CACNA1C: variants seen among roughly 807,000 people sequenced by gnomAD.
CACNA1C encodes the protein voltage-dependent L-type calcium channel subunit alpha-1C.
A neutral mutation model predicts 229.0 loss-of-function variants in CACNA1C; 30 were observed. The ratio of observed to expected loss-of-function variants is 0.13; its 90% CI spans 0.10 to 0.18. The LOEUF is 0.18. Ranked by LOEUF, CACNA1C falls within the 10% of genes least tolerant of loss-of-function variation. The pLI is 1.00. For synonymous variants in CACNA1C, 1,114 were observed against 1,132.5 expected (o/e 0.98, Z 0.33); for missense variants, 1,658 against 2,845.0 (o/e 0.58, Z 9.49).
At chr12:2,012,233 A>G (rs1219935431) in intron 1 of CACNA1C, among the ~76,000 whole-genome samples, 1 of 152,180 alleles carries the variant, frequency 6.6e-6, no homozygotes, top group Non-Finnish European at 1.5e-5. Context: ...GAGGTATAGT[A>G]TCTACTTCTA....
chr12:2,210,431 T>C (rs1166196972), intron 3 of CACNA1C, among the ~76,000 whole-genome samples: 2 of 152,202 alleles, frequency 1.3e-5, no homozygotes, highest in Non-Finnish European at 2.9e-5. Context: ...ATGCCCTCTT[T>C]CTTTGGAAGC....
chr12:2,442,837 G>C (rs2099242168), intron 3 of CACNA1C, among the ~76,000 whole-genome samples: 2 of 152,146 alleles, frequency 1.3e-5, no homozygotes, highest in Admixed American at 1.3e-4. Flanking sequence ...TAAATGATCA[G>C]ATCTTACAGG....
intron 3 of CACNA1C, among the ~76,000 whole-genome samples, chr12:2,268,463 T>C (rs577154927): frequency 6.6e-6 from 1 of 152,320 alleles, no homozygotes; most frequent in African/African-American, 2.4e-5. Flanking sequence ...AATTGTGTCT[T>C]TTTTAAGAAA....
At chr12:2,127,654 C>T (rs1039697699) in intron 3 of CACNA1C, among the ~76,000 whole-genome samples, 4 of 152,102 alleles carry the variant, frequency 2.6e-5, no homozygotes, top group South Asian at 2.1e-4. Context: ...CTTGACACAG[C>T]GCATTGGGAA....
At chr12:2,429,515 G>T (rs529410819) in intron 3 of CACNA1C, among the ~76,000 whole-genome samples, 12 of 152,264 alleles carry the variant, frequency 7.9e-5, no homozygotes, top group African/African-American at 2.9e-4. Flanking sequence ...GTAGTCCAGT[G>T]GGGTAAACCT....
intron 1 of CACNA1C, among the ~76,000 whole-genome samples, chr12:2,100,138 T>C (rs2075748943): frequency 6.6e-6 from 1 of 152,080 alleles, no homozygotes; most frequent in African/African-American, 2.4e-5. Flanking sequence ...ATTTCTTCTA[T>C]GAAAACAAAC....
intron 3 of CACNA1C, chr12:2,217,713 T>G (rs2060339206): frequency 6.6e-6 from 1 of 152,180 alleles, no homozygotes; most frequent in Admixed American, 6.5e-5. Flanking sequence ...TGAGGTGACA[T>G]AGTAGGTGGG....
rs2093424225 is a variant in CACNA1C, at chr12:2,639,749, A to G, written c.3912+5369A>G. Among the ~76,000 whole-genome samples the G allele has an allele frequency of 6.6e-6, 1 of 152,120 alleles. No homozygotes were observed. The highest frequency in any genetic ancestry group is 2.4e-5 in the African/African-American group (1 of 41,422). ...CCTGTCATCAGGCGCCCATGGTGTC[A>G]TGGGGATGCTTCCTCCAGGGAATCA... On this transcript the variant is annotated intron_variant, in intron 30 of 46. Transcript: ENST00000399655. The surrounding 1 kb of genome is among the most constrained non-coding windows in gnomAD (Gnocchi z 4.2).
Position 2,446,763 on chromosome 12 carries a change from G to A in CACNA1C, c.478-2213G>A, listed in dbSNP as rs114588132. 2.0e-3 allele frequency among the ~76,000 whole-genome samples: 299 copies of A among 151,566 alleles called. 1 individual carries two copies. Among genetic ancestry groups the A allele is most frequent in the African/African-American group, 6.5e-3 (268 of 41,278 alleles). ...TGGATGAATGGATGAGTAGTGAGTG[G>A]GTGGGTGGGTGAATGGATGAATGGA... On this transcript the variant is annotated intron_variant, in intron 3 of 46. Coordinates refer to ENST00000399655, the MANE Select transcript of CACNA1C (RefSeq NM_000719.7).
intron 3 of CACNA1C, among the ~76,000 whole-genome samples, chr12:2,281,781 C>G (rs1444811594): frequency 6.6e-6 from 1 of 152,002 alleles, no homozygotes; most frequent in African/African-American, 2.4e-5. Flanking sequence ...GTTTCTAGTG[C>G]TTGGCATTCC....
chr12:2,569,512 C>G (rs1484052663), intron 13 of CACNA1C, among the ~76,000 whole-genome samples: 1 of 152,116 alleles, frequency 6.6e-6, no homozygotes, highest in Non-Finnish European at 1.5e-5. Flanking sequence ...ATAGAGTTGC[C>G]TATTTTGGAC....
chr12:2,289,041 T>C (rs375471484), intron 3 of CACNA1C: 39 of 152,354 alleles, frequency 2.6e-4, no homozygotes, highest in African/African-American at 8.7e-4. Context: ...TAGGGCTTCA[T>C]TGAAATCGGA....
chr12:2,521,381 C>T (rs537818310), intron 9 of CACNA1C, among the ~76,000 whole-genome samples: 2 of 152,300 alleles, frequency 1.3e-5, no homozygotes, highest in Non-Finnish European at 2.9e-5. Flanking sequence ...AGCTGTGTTC[C>T]TGGGATCGCT....
At chr12:2,012,077 A>G (rs1379297435) in intron 1 of CACNA1C, among the ~76,000 whole-genome samples, 3 of 152,128 alleles carry the variant, frequency 2.0e-5, no homozygotes, top group Admixed American at 6.5e-5. Flanking sequence ...TTTTAAACTG[A>G]TGTATGAAGC....
chr12:2,206,571 G>T (rs1265855442), intron 3 of CACNA1C, among the ~76,000 whole-genome samples: 2 of 152,210 alleles, frequency 1.3e-5, no homozygotes, highest in Non-Finnish European at 2.9e-5. Context: ...AATATTCAAT[G>T]AGATGATGTG....
At chr12:2,321,828 T>C (rs1347453694) in intron 3 of CACNA1C, among the ~76,000 whole-genome samples, 1 of 152,180 alleles carries the variant, frequency 6.6e-6, no homozygotes, top group Non-Finnish European at 1.5e-5. Context: ...CAGGAATGAA[T>C]GAAGTCTGTG....
At chr12:2,254,172 G>A (rs187972967) in intron 3 of CACNA1C, among the ~76,000 whole-genome samples, 1 of 152,310 alleles carries the variant, frequency 6.6e-6, no homozygotes. Flanking sequence ...GAGCTTTACT[G>A]TGTGTGCCCA....
intron 9 of CACNA1C, 125 bp downstream of exon 9, chr12:2,513,109 C>A: frequency 1.6e-6 from 1 of 633,486 alleles, no homozygotes; most frequent in Non-Finnish European, 2.7e-6. Flanking sequence ...CCTGGAGCAG[C>A]AGTTATCTCA....
At chr12:2,025,346 C>G (rs1193030643) in intron 1 of CACNA1C, among the ~76,000 whole-genome samples, 4 of 152,170 alleles carry the variant, frequency 2.6e-5, no homozygotes, top group African/African-American at 9.7e-5. Flanking sequence ...TGTCTGCCCC[C>G]TGCCATGGTT....
Sources: allele counts gnomAD v4.1 joint callset (sites outside exome capture counted in the v4.1 genomes callset), GRCh38; gene constraint gnomAD v4.1.1; non-coding constraint Gnocchi (gnomAD v3.1); transcripts MANE v1.5; gene names NCBI Gene and HGNC (gene_info 2026-07-23, HGNC 2026-07-21).